SPAG16: variants seen among roughly 807,000 people sequenced by gnomAD.
SPAG16 encodes sperm associated antigen 16.
A neutral mutation model predicts 80.4 loss-of-function variants in SPAG16; 86 were observed. The observed-to-expected ratio is 1.07, with a 90% confidence interval of 0.90 to 1.28. SPAG16 has a LOEUF of 1.28. SPAG16 is among the 50% of genes most tolerant of loss of function. SPAG16 has a pLI of 0.00. For missense variants in SPAG16, 870 were observed against 765.3 expected, an observed-to-expected ratio of 1.14 and a Z score of -1.61; for synonymous variants, 294 against 265.9, an observed-to-expected ratio of 1.11 and a Z score of -1.03.
intron 12 of SPAG16, among the ~76,000 whole-genome samples, chr2:213,944,995 G>A (rs1363823316): frequency 6.6e-6 from 1 of 152,060 alleles, no homozygotes; most frequent in Non-Finnish European, 1.5e-5. Flanking sequence ...CCAAGATCGT[G>A]CCATTGCCCT....
chr2:213,970,914 T>C (rs1559642749), intron 12 of SPAG16, among the ~76,000 whole-genome samples: 4 of 152,214 alleles, frequency 2.6e-5, no homozygotes, highest in African/African-American at 9.7e-5. Flanking sequence ...TAAGCATGAC[T>C]ACAGTTTTCC....
intron 9 of SPAG16, among the ~76,000 whole-genome samples, chr2:213,391,271 AAAAT>A (rs1294335930): frequency 1.3e-4 from 20 of 152,332 alleles, no homozygotes; most frequent in Admixed American, 5.9e-4. Flanking sequence ...CCGTTTCAAA[AAAAT>A]AAATAAATAA....
In SPAG16 at chr2:213,317,269, T is replaced by C. The variant is rs1401629650; in HGVS notation, c.449T>C (p.Val150Ala). The C allele has an allele frequency of 6.2e-7, 1 of 1,610,368 alleles. No individual in the cohort carries two copies. Among genetic ancestry groups the C allele is most frequent in the African/African-American group, 1.3e-5 (1 of 74,754 alleles). Residue 150 changes from valine to alanine, a missense_variant, in exon 5 of 16, where the codon GTT becomes GCT. Physicochemically the swap from Val to Ala is moderately conservative, Grantham distance 64 (BLOSUM62 0). Transcript: ENST00000331683. The stretch of plus-strand genomic sequence containing the variant: ...ACTGAACTTAGAACTGTTGGGAATG[T>C]TCCAGATGTCTACACCCAGATTATG... Reference protein sequence around the residue: ...GVTELRTVGNVPDVYTQIMLL... With the variant: ...GVTELRTVGNAPDVYTQIMLL...
rs1164263078 is a variant in SPAG16, at chr2:213,805,415, AAACATGGC to A, written c.1071-57066_1071-57059del. Among the ~76,000 whole-genome samples the A allele has an allele frequency of 2.6e-5, 4 of 152,206 alleles. No individual in the cohort carries two copies. The East Asian group carries it at 7.7e-4, about 29-fold the overall frequency. ...AAAGGAAAGAATATGTGGGCGGTGA[AAACATGGC>A]AACTGTCTTCAAATAGTGAAGAATA... On this transcript the variant is annotated intron_variant, in intron 10 of 15. Transcript: ENST00000331683.
At chr2:213,727,574 G>A (rs558232343) in intron 10 of SPAG16, among the ~76,000 whole-genome samples, 44 of 152,318 alleles carry the variant, frequency 2.9e-4, no homozygotes, top group African/African-American at 8.7e-4. Flanking sequence ...AGGCGCTGAC[G>A]TGGAAATGTT....
At chr2:213,776,948 G>C (rs183896165) in intron 10 of SPAG16, among the ~76,000 whole-genome samples, 2 of 147,826 alleles carry the variant, frequency 1.4e-5, no homozygotes, top group Non-Finnish European at 3.0e-5. Flanking sequence ...GTCTATAATA[G>C]TGGAAAAAAA....
Position 213,317,375 on chromosome 2 carries a change from G to A in SPAG16, c.536+19G>A, listed in dbSNP as rs749871184. 2 of 1,597,492 alleles carry A rather than the reference G, an allele frequency of 1.3e-6. No individual in the cohort carries two copies. Among genetic ancestry groups the A allele is most frequent in the Middle Eastern group, 1.7e-4 (1 of 5,932 alleles). ...CAGCTGAGTATGTTATTTTTTAAAT[G>A]ACATTTTCTTCTTTTTCTTTTGGAC... On this transcript the variant is annotated intron_variant, in intron 5 of 15. Transcript: ENST00000331683.
Position 213,796,232 on chromosome 2 carries a change from T to C in SPAG16, c.1071-66253T>C, listed in dbSNP as rs576667246. ...CTACAATGTAAGGATTTTTAGTAAG[T>C]TTACAGAATTGTGCAACTATCTTCT... On this transcript the variant is annotated intron_variant, in intron 10 of 15. Coordinates refer to ENST00000331683, the MANE Select transcript of SPAG16 (RefSeq NM_024532.5). Among the ~76,000 whole-genome samples the C allele has an allele frequency of 5.3e-5, 8 of 152,234 alleles. No individual in the cohort carries two copies. The South Asian group carries it at 1.7e-3, about 32-fold the overall frequency.
chr2:213,639,922 G>A (rs1047102768), intron 10 of SPAG16, among the ~76,000 whole-genome samples: 3 of 152,084 alleles, frequency 2.0e-5, no homozygotes, highest in Non-Finnish European at 4.4e-5. Context: ...TGGAGAATTT[G>A]TTCATTTTCT....
At chr2:214,325,037 TTTAAA>T (rs1231431313) in intron 15 of SPAG16, among the ~76,000 whole-genome samples, 1 of 152,236 alleles carries the variant, frequency 6.6e-6, no homozygotes, top group African/African-American at 2.4e-5. Context: ...AAAATATTTC[TTTAAA>T]TGAAATAAGT....
chr2:214,331,472 A>C (rs898192969), intron 15 of SPAG16, among the ~76,000 whole-genome samples: 57 of 152,220 alleles, frequency 3.7e-4, no homozygotes, highest in African/African-American at 1.4e-3. Context: ...ATACATCCAC[A>C]TTACTTAAAG....
intron 12 of SPAG16, among the ~76,000 whole-genome samples, chr2:213,950,379 T>C (rs532990121): frequency 6.6e-6 from 1 of 152,310 alleles, no homozygotes; most frequent in South Asian, 2.1e-4. Flanking sequence ...TGCTGTAACA[T>C]GTATGAGCTT....
intron 15 of SPAG16, among the ~76,000 whole-genome samples, chr2:214,393,525 T>C (rs1447876944): frequency 1.3e-5 from 2 of 151,738 alleles, no homozygotes; most frequent in Non-Finnish European, 2.9e-5. Flanking sequence ...TTTCCCAAAA[T>C]AGCAAAATAA....
chr2:213,970,801 TAAAAA>T (rs141997144), intron 12 of SPAG16, among the ~76,000 whole-genome samples: 1,962 of 152,260 alleles, frequency 0.013, 39 homozygotes, highest in African/African-American at 0.045. Context: ...GAATGCAAAA[TAAAAA>T]TGTATGGAGT....
intron 10 of SPAG16, among the ~76,000 whole-genome samples, chr2:213,852,736 C>A (rs995465110): frequency 6.6e-6 from 1 of 152,178 alleles, no homozygotes; most frequent in Non-Finnish European, 1.5e-5. Context: ...CACTTTACTA[C>A]ATTTTCTTTA....
At chr2:214,298,159 T>C (rs13019167) in intron 15 of SPAG16, among the ~76,000 whole-genome samples, 2,387 of 54,156 alleles carry the variant, frequency 0.044, 70 homozygotes, top group African/African-American at 0.18. Context: ...CACACACATA[T>C]ACACACACAC....
At chr2:213,430,703 A>G (rs994839152) in intron 9 of SPAG16, among the ~76,000 whole-genome samples, 3 of 152,222 alleles carry the variant, frequency 2.0e-5, no homozygotes, top group Non-Finnish European at 2.9e-5. Flanking sequence ...CAATATATTT[A>G]GAAATCTAGA....
intron 12 of SPAG16, among the ~76,000 whole-genome samples, chr2:213,994,970 G>T (rs946194606): frequency 2.6e-5 from 4 of 151,944 alleles, no homozygotes; most frequent in Non-Finnish European, 5.9e-5. Context: ...CTTGATAAAA[G>T]AATAAAGAAA....
intron 9 of SPAG16, among the ~76,000 whole-genome samples, chr2:213,438,590 T>C (rs569296759): frequency 6.6e-6 from 1 of 152,346 alleles, no homozygotes; most frequent in East Asian, 1.9e-4. Context: ...TTACTACTGT[T>C]CTAGGTAGAG....
Sources: allele counts gnomAD v4.1 joint callset (sites outside exome capture counted in the v4.1 genomes callset), GRCh38; gene constraint gnomAD v4.1.1; transcripts MANE v1.5; gene names NCBI Gene and HGNC (gene_info 2026-07-23, HGNC 2026-07-21).